Variants in FMNL2 observed in about 807,000 individuals in gnomAD.
FMNL2 encodes formin like 2.
Under a neutral mutation model 130.2 loss-of-function variants are expected in FMNL2, and 51 were observed. The observed-to-expected ratio is 0.39, with a 90% CI of 0.31 to 0.49. The LOEUF (loss-of-function observed/expected upper bound fraction) is 0.49. Among genes scored for constraint, FMNL2 ranks in the 20% least tolerant of loss-of-function variants. The probability of loss-of-function intolerance (pLI) is 0.85; values close to 1 mark genes in which losing one functional copy is unlikely to be tolerated. For synonymous variants in FMNL2, 465 were observed against 467.1 expected (o/e 1.00, Z 0.06); for missense variants, 977 against 1,316.2 (o/e 0.74, Z 3.99).
chr2:152,349,454 A>G (rs917149709), intron 1 of FMNL2, among the ~76,000 whole-genome samples: 1 of 152,212 alleles, frequency 6.6e-6, no homozygotes, highest in Non-Finnish European at 1.5e-5. Context: ...CCTGCCTGAG[A>G]CAGCCTGCTT....
chr2:152,548,221 G>A (rs890697459), intron 3 of FMNL2, among the ~76,000 whole-genome samples: 6 of 152,216 alleles, frequency 3.9e-5, no homozygotes, highest in East Asian at 3.9e-4. Context: ...TTTTTGCAAC[G>A]TGTTAGGTCA....
chr2:152,429,215 C>CAA (rs3047928), intron 1 of FMNL2, among the ~76,000 whole-genome samples: 180 of 95,760 alleles, frequency 1.9e-3, no homozygotes, highest in African/African-American at 5.0e-3. Flanking sequence ...CTTAGAGGAA[C>CAA]AAAAAAAAAA....
At chr2:152,435,026 T>C (rs749000731) in intron 1 of FMNL2, among the ~76,000 whole-genome samples, 1 of 152,052 alleles carries the variant, frequency 6.6e-6, no homozygotes, top group Non-Finnish European at 1.5e-5. Context: ...TTTGGAGCAT[T>C]GGTCAAAGTC....
intron 1 of FMNL2, among the ~76,000 whole-genome samples, chr2:152,422,187 A>G (rs1199655106): frequency 6.6e-6 from 1 of 152,218 alleles, no homozygotes; most frequent in African/African-American, 2.4e-5. Flanking sequence ...TCTTAGTTAC[A>G]AAGGGCTTAA....
rs550141158 is a variant in FMNL2 at position 152,611,787 on chromosome 2, G to A, written c.1062+182G>A. On this transcript the variant is annotated intron_variant, in intron 11 of 25. Transcript: ENST00000288670. ...CTGCCAGAGATGCTGGATTCTTGCAGGGCTCCTGGGATCTCAGGTCATCTT... is the reference window on the plus strand; with the variant it reads ...CTGCCAGAGATGCTGGATTCTTGCAAGGCTCCTGGGATCTCAGGTCATCTT... 2.0e-5 allele frequency among the ~76,000 whole-genome samples: 3 copies of A among 152,344 alleles called. No homozygotes were observed. The East Asian group carries it at 5.8e-4, about 29-fold the overall frequency.
Position 152,588,943 on chromosome 2 carries a change from G to A in FMNL2, c.876+7894G>A, listed in dbSNP as rs187479748. Among the ~76,000 whole-genome samples, 13 of 152,144 alleles carry A rather than the reference G, an allele frequency of 8.5e-5. No homozygotes were observed. In the East Asian group the frequency reaches 2.5e-3, roughly 29 times the overall value. On this transcript the variant is annotated intron_variant, in intron 9 of 25. Transcript: ENST00000288670. Reference sequence around the variant, plus strand: ...AGCATGCAGTTGCTTTGATAGAGCAGGGTGTGTTTGGGGTCTGAGATTTGT... The same window carrying A: ...AGCATGCAGTTGCTTTGATAGAGCAAGGTGTGTTTGGGGTCTGAGATTTGT...
At chr2:152,466,510 G>T (rs963064927) in intron 1 of FMNL2, among the ~76,000 whole-genome samples, 2 of 152,098 alleles carry the variant, frequency 1.3e-5, no homozygotes, top group Non-Finnish European at 2.9e-5. Context: ...CTAATTGTTG[G>T]TGGATATAAT....
intron 4 of FMNL2, among the ~76,000 whole-genome samples, chr2:152,558,526 G>A (rs1272107785): frequency 1.3e-5 from 2 of 152,078 alleles, no homozygotes. Context: ...GTACTTTTTG[G>A]CCCTTATTTT....
chr2:152,460,807 T>C (rs1689194418), intron 1 of FMNL2, among the ~76,000 whole-genome samples: 1 of 152,174 alleles, frequency 6.6e-6, no homozygotes, highest in Non-Finnish European at 1.5e-5. Context: ...TGTTACCGTC[T>C]CCCATCACCC....
In FMNL2 at chr2:152,609,118, T is replaced by C. The variant is rs4664118; in HGVS notation, c.951+1705T>C. On this transcript the variant is annotated intron_variant, in intron 10 of 25. Coordinates refer to ENST00000288670, the MANE Select transcript of FMNL2 (RefSeq NM_052905.4). ...TGAGTTTCTGCTGAAATTACAATTA[T>C]ATAAAGCCCTTTAAAACACCTGTAC... 8.8e-3 allele frequency among the ~76,000 whole-genome samples: 1,348 copies of C among 152,328 alleles called. 41 individuals are homozygous for C. In the East Asian group the frequency reaches 0.1, roughly 12 times the overall value.
chr2:152,387,571 A>G (rs1175215774), intron 1 of FMNL2, among the ~76,000 whole-genome samples: 3 of 152,238 alleles, frequency 2.0e-5, no homozygotes, highest in Non-Finnish European at 4.4e-5. Context: ...CTTATACTGC[A>G]TTCAGTAGCT....
chr2:152,393,469 T>G (rs1685227942), intron 1 of FMNL2, among the ~76,000 whole-genome samples: 1 of 152,232 alleles, frequency 6.6e-6, no homozygotes, highest in South Asian at 2.1e-4. Flanking sequence ...TGTTTCTTTT[T>G]GCCGCATTGC....
At chr2:152,580,085 A>G (rs1376842619) in intron 8 of FMNL2, among the ~76,000 whole-genome samples, 3 of 152,210 alleles carry the variant, frequency 2.0e-5, no homozygotes, top group Non-Finnish European at 4.4e-5. Flanking sequence ...TTCGTTTACT[A>G]GAGTCCTAAG....
At chr2:152,569,890 A>G (rs1696080041) in intron 6 of FMNL2, among the ~76,000 whole-genome samples, 1 of 151,102 alleles carries the variant, frequency 6.6e-6, no homozygotes, top group Non-Finnish European at 1.5e-5. Context: ...ACATGCCTGT[A>G]ATCTCAGCTA....
chr2:152,603,984 T>C (rs1449162944), intron 9 of FMNL2, among the ~76,000 whole-genome samples: 1 of 151,018 alleles, frequency 6.6e-6, no homozygotes. Flanking sequence ...ATTCACAGAT[T>C]TCTAGGCCCA....
chr2:152,539,676 A>G (rs183069428), intron 2 of FMNL2, among the ~76,000 whole-genome samples: 102 of 152,358 alleles, frequency 6.7e-4, no homozygotes, highest in East Asian at 1.2e-3. Flanking sequence ...CCTTGTTCAT[A>G]ATTTCAAGTC....
intron 12 of FMNL2, 36 bp downstream of exon 12, chr2:152,615,036 T>G (rs538928427): frequency 6.3e-7 from 1 of 1,599,028 alleles, no homozygotes; most frequent in Non-Finnish European, 8.5e-7. Context: ...ATTGCTTACA[T>G]TTCAGCTGGT....
chr2:152,404,137 T>C (rs1023692604), intron 1 of FMNL2, among the ~76,000 whole-genome samples: 1 of 152,232 alleles, frequency 6.6e-6, no homozygotes, highest in Non-Finnish European at 1.5e-5. Flanking sequence ...GCCTTTTTTT[T>C]GGACATTGAA....
At chr2:152,559,374 ATGAT>A (rs1180500072) in intron 5 of FMNL2, among the ~76,000 whole-genome samples, 1 of 152,092 alleles carries the variant, frequency 6.6e-6, no homozygotes, top group African/African-American at 2.4e-5. Flanking sequence ...GTGCAGTGGC[ATGAT>A]CTCGGCTCAC....
Sources: gnomAD v4.1 joint callset for allele counts (sites outside exome capture counted in the v4.1 genomes callset) on GRCh38, gnomAD v4.1.1 for gene constraint, MANE v1.5 for transcripts, NCBI Gene and HGNC (gene_info 2026-07-23, HGNC 2026-07-21) for gene names.